The following SORCS2 variants were observed in gnomAD, a reference collection of about 807,000 sequenced individuals.
SORCS2 encodes the protein VPS10 domain-containing receptor SorCS2.
In SORCS2, 100 loss-of-function variants were observed where a neutral mutation model predicts 141.6. The ratio of observed to expected loss-of-function variants is 0.71; its 90% CI spans 0.60 to 0.83. The LOEUF (loss-of-function observed/expected upper bound fraction) is 0.83. Ranked by LOEUF, SORCS2 falls within the 40% of genes least tolerant of loss-of-function variation. The probability of loss-of-function intolerance (pLI) is 0.00; values close to 1 mark genes in which losing one functional copy is unlikely to be tolerated. For missense variants in SORCS2, 1,646 were observed against 1,560.2 expected (o/e 1.05, Z -0.93); for synonymous variants, 789 against 676.9 (o/e 1.17, Z -2.57).
intron 2 of SORCS2, among the ~76,000 whole-genome samples, chr4:7,469,192 ATGG>A (rs959919945): frequency 1.3e-5 from 2 of 151,636 alleles, no homozygotes; most frequent in African/African-American, 4.9e-5. Flanking sequence ...GATGTCGATG[ATGG>A]TGGTGGTGGT....
intron 14 of SORCS2, among the ~76,000 whole-genome samples, chr4:7,712,108 C>G (rs559659483): frequency 6.6e-6 from 1 of 152,196 alleles, no homozygotes; most frequent in South Asian, 2.1e-4. Flanking sequence ...CCTCCCTATT[C>G]TGTCTTCCGC....
chr4:7,342,775 C>T lies in SORCS2; in HGVS notation c.481-53513C>T, dbSNP rs558597901. 6.6e-5 allele frequency among the ~76,000 whole-genome samples: 10 copies of T among 152,274 alleles called. No homozygotes were observed. The East Asian group carries it at 1.7e-3, about 26-fold the overall frequency. ...GAATGGCCTGAGAGGGGTAATTGGC[C>T]GCTGGCATGGGCGGTAATTATAACG... is the stretch of plus-strand genomic sequence containing the variant. On this transcript the variant is annotated intron_variant, in intron 1 of 26. Coordinates refer to ENST00000507866, the MANE Select transcript of SORCS2 (RefSeq NM_020777.3).
At chr4:7,423,269 A>G (rs955766343) in intron 2 of SORCS2, among the ~76,000 whole-genome samples, 2 of 152,144 alleles carry the variant, frequency 1.3e-5, no homozygotes, top group African/African-American at 4.8e-5. Flanking sequence ...TTCCTGTTAG[A>G]ACATTATAAT....
At chr4:7,334,363 C>A (rs1321883789) in intron 1 of SORCS2, among the ~76,000 whole-genome samples, 2 of 152,108 alleles carry the variant, frequency 1.3e-5, no homozygotes, top group Non-Finnish European at 2.9e-5. Context: ...CCCTGTCCCC[C>A]TGGTCAGTCC....
At chr4:7,390,481 TG>T (rs1158460261) in intron 1 of SORCS2, among the ~76,000 whole-genome samples, 1 of 152,134 alleles carries the variant, frequency 6.6e-6, no homozygotes, top group Non-Finnish European at 1.5e-5. Context: ...AGACGAAGCT[TG>T]GGGGAACTGG....
chr4:7,510,670 G>A (rs1290425682), intron 2 of SORCS2, among the ~76,000 whole-genome samples: 3 of 139,674 alleles, frequency 2.1e-5, no homozygotes, highest in Admixed American at 2.1e-4. Context: ...CTGGAAATGC[G>A]ACCCCGGGGC....
intron 1 of SORCS2, among the ~76,000 whole-genome samples, chr4:7,248,048 G>A (rs1266629302): frequency 1.3e-5 from 2 of 152,212 alleles, no homozygotes; most frequent in East Asian, 1.9e-4. Context: ...CCTGAGAGCC[G>A]AGCCCCATCA....
intron 3 of SORCS2, among the ~76,000 whole-genome samples, chr4:7,590,458 G>T (rs1163121133): frequency 6.6e-6 from 1 of 152,214 alleles, no homozygotes; most frequent in Admixed American, 6.5e-5. Context: ...TGCCTCCAGG[G>T]CAAGAATGAG....
intron 1 of SORCS2, among the ~76,000 whole-genome samples, chr4:7,381,666 C>T (rs575588842): frequency 6.6e-6 from 1 of 152,210 alleles, no homozygotes; most frequent in Non-Finnish European, 1.5e-5. Context: ...AACAATTTCC[C>T]AGAAGAGCAG....
At chr4:7,267,387 C>G (rs1437425701) in intron 1 of SORCS2, among the ~76,000 whole-genome samples, 3 of 152,178 alleles carry the variant, frequency 2.0e-5, no homozygotes, top group African/African-American at 7.2e-5. Context: ...GCCGCAGCTC[C>G]GAGGATGGGT....
chr4:7,252,546 A>G (rs757943607), intron 1 of SORCS2, among the ~76,000 whole-genome samples: 11 of 152,214 alleles, frequency 7.2e-5, no homozygotes, highest in Admixed American at 2.0e-4. Context: ...GAGTGATTTG[A>G]CTTTTGAAAA....
At chr4:7,378,012 G>A (rs562746263) in intron 1 of SORCS2, among the ~76,000 whole-genome samples, 2 of 152,268 alleles carry the variant, frequency 1.3e-5, no homozygotes, top group African/African-American at 2.4e-5. Flanking sequence ...AATATACCCC[G>A]ATTTTCATGA....
intron 1 of SORCS2, among the ~76,000 whole-genome samples, chr4:7,228,325 G>T (rs1399323807): frequency 6.6e-6 from 1 of 152,138 alleles, no homozygotes; most frequent in Non-Finnish European, 1.5e-5. Context: ...ATCCTGGGGT[G>T]CAGGGTGTTA....
intron 2 of SORCS2, among the ~76,000 whole-genome samples, chr4:7,454,366 AGCTGTGTGTTGGGGTCAGGT>A (rs1728717325): frequency 2.4e-4 from 6 of 24,900 alleles, no homozygotes; most frequent in South Asian, 2.6e-3. Flanking sequence ...TGGGGTCAGG[AGCTGTGTGTTGGGGTCAGGT>A]GCTGTGTGTT....
intron 4 of SORCS2, among the ~76,000 whole-genome samples, chr4:7,647,798 C>T (rs1269222828): frequency 6.6e-6 from 1 of 152,222 alleles, no homozygotes; most frequent in African/African-American, 2.4e-5. Context: ...GGGCTCAGCC[C>T]TCGGCTGGTT....
intron 1 of SORCS2, among the ~76,000 whole-genome samples, chr4:7,282,586 T>A (rs1715952483): frequency 6.6e-6 from 1 of 152,168 alleles, no homozygotes. Flanking sequence ...GCTCCCCCAC[T>A]AATCATGGGG....
intron 9 of SORCS2, among the ~76,000 whole-genome samples, chr4:7,678,067 G>A (rs1723280466): frequency 6.6e-6 from 1 of 152,148 alleles, no homozygotes; most frequent in Admixed American, 6.5e-5. Flanking sequence ...CTGCCCTCGG[G>A]ACACAGGCTG....
intron 1 of SORCS2, among the ~76,000 whole-genome samples, chr4:7,263,397 G>A (rs1209931433): frequency 6.6e-6 from 1 of 151,940 alleles, no homozygotes; most frequent in Non-Finnish European, 1.5e-5. Context: ...GTCAAAGAAA[G>A]CACCCGTCAT....
At chr4:7,692,646 C>T (rs1044082403) in intron 11 of SORCS2, among the ~76,000 whole-genome samples, 2 of 152,148 alleles carry the variant, frequency 1.3e-5, no homozygotes, top group South Asian at 2.1e-4. Flanking sequence ...GGATGATGAC[C>T]GCAGGGCCAG....
Sources: gnomAD v4.1 joint callset for allele counts (sites outside exome capture counted in the v4.1 genomes callset) on GRCh38, gnomAD v4.1.1 for gene constraint, MANE v1.5 for transcripts, NCBI Gene and HGNC (gene_info 2026-07-23, HGNC 2026-07-21) for gene names.